Variants in CMIP observed in about 807,000 individuals in gnomAD.
The protein encoded by CMIP is c-Maf inducing protein.
A neutral mutation model predicts 97.3 loss-of-function variants in CMIP; 13 were observed. The observed-to-expected ratio is 0.13, with a 90% CI of 0.09 to 0.21. The LOEUF (loss-of-function observed/expected upper bound fraction) is 0.21. CMIP is among the 10% of genes least tolerant of loss of function. The pLI is 1.00. For missense variants in CMIP, 847 were observed against 1,024.9 expected (o/e 0.83, Z 2.37); for synonymous variants, 538 against 436.3 (o/e 1.23, Z -2.91).
At chr16:81,601,049 C>T (rs962595064) in intron 1 of CMIP, among the ~76,000 whole-genome samples, 13 of 152,296 alleles carry the variant, frequency 8.5e-5, no homozygotes, top group Non-Finnish European at 1.8e-4. Context: ...GCCGCTTCCA[C>T]GTAGGGAGAG....
At chr16:81,548,691 A>C (rs145308252) in intron 1 of CMIP, among the ~76,000 whole-genome samples, 1 of 151,228 alleles carries the variant, frequency 6.6e-6, no homozygotes, top group East Asian at 1.9e-4. Flanking sequence ...AAAAAAAAGA[A>C]AAAAAAAAGC....
At chr16:81,459,184 C>T (rs772895364) in intron 1 of CMIP, among the ~76,000 whole-genome samples, 1 of 152,148 alleles carries the variant, frequency 6.6e-6, no homozygotes, top group African/African-American at 2.4e-5. Context: ...GGTTTGGGTC[C>T]GTTTTTCCAG....
At chr16:81,500,032 A>G (rs2089567545) in intron 1 of CMIP, among the ~76,000 whole-genome samples, 1 of 152,108 alleles carries the variant, frequency 6.6e-6, no homozygotes, top group Admixed American at 6.5e-5. Flanking sequence ...CTGATGCAGA[A>G]CATACCCAGT....
chr16:81,536,408 G>A (rs962705600), intron 1 of CMIP, among the ~76,000 whole-genome samples: 9 of 152,070 alleles, frequency 5.9e-5, no homozygotes, highest in Admixed American at 5.9e-4. Flanking sequence ...TAACTCGGGG[G>A]CATTATAAAT....
intron 7 of CMIP, among the ~76,000 whole-genome samples, chr16:81,669,875 C>T (rs976965774): frequency 2.6e-5 from 4 of 152,238 alleles, no homozygotes; most frequent in Admixed American, 2.6e-4. Context: ...ATTTGTCTCA[C>T]AAGTGCCTTT....
chr16:81,603,135 A>C (rs2150935582), intron 1 of CMIP, among the ~76,000 whole-genome samples: 1 of 152,316 alleles, frequency 6.6e-6, no homozygotes, highest in East Asian at 1.9e-4. Context: ...GCTACAGTGC[A>C]GTGGCGCGAT....
intron 1 of CMIP, among the ~76,000 whole-genome samples, chr16:81,445,875 G>C (rs1454309453): frequency 1.3e-5 from 2 of 151,770 alleles, no homozygotes; most frequent in East Asian, 3.9e-4. Context: ...GCTGGGCCCT[G>C]ATGGTGGTGG....
chr16:81,480,768 A>G (rs1447223913), intron 1 of CMIP, among the ~76,000 whole-genome samples: 1 of 152,192 alleles, frequency 6.6e-6, no homozygotes, highest in Admixed American at 6.5e-5. Context: ...CACCTTGTGC[A>G]AGGGGACTGT....
rs141944080 is a variant in CMIP at position 81,504,092 on chromosome 16, G to A, written c.300+58551G>A. ...TGTAATTCCAGCACTTGGGAAGGCC[G>A]AGGGAGGCAGATCACTTGGGGTCAG... On this transcript the variant is annotated intron_variant, in intron 1 of 20. Transcript: ENST00000537098. 6.9e-3 allele frequency among the ~76,000 whole-genome samples: 1,057 copies of A among 152,302 alleles called. 8 individuals carry two copies. The highest frequency in any genetic ancestry group is 0.024 in the African/African-American group (1,017 of 41,566).
intron 3 of CMIP, among the ~76,000 whole-genome samples, chr16:81,623,474 C>T (rs1477259949): frequency 6.6e-6 from 1 of 152,192 alleles, no homozygotes; most frequent in Non-Finnish European, 1.5e-5. Context: ...TCTTTGCTCT[C>T]AGGGTGTAAG....
chr16:81,608,208 A>G (rs943247521), intron 2 of CMIP, among the ~76,000 whole-genome samples: 3 of 152,232 alleles, frequency 2.0e-5, no homozygotes, highest in African/African-American at 7.2e-5. Context: ...TGGAAATGGC[A>G]CAAACATTAT....
intron 3 of CMIP, among the ~76,000 whole-genome samples, chr16:81,640,758 G>T (rs2092295979): frequency 7.1e-6 from 1 of 140,746 alleles, no homozygotes; most frequent in Non-Finnish European, 1.5e-5. Context: ...GTGTGTGTGT[G>T]TGTGTGTGTG....
intron 1 of CMIP, among the ~76,000 whole-genome samples, chr16:81,501,270 C>T (rs1422443569): frequency 1.3e-5 from 2 of 152,228 alleles, no homozygotes; most frequent in Non-Finnish European, 2.9e-5. Flanking sequence ...AAAAGGAGAA[C>T]AACTTTGGGT....
intron 1 of CMIP, among the ~76,000 whole-genome samples, chr16:81,512,690 TTTC>T (rs1327007288): frequency 5.5e-4 from 83 of 152,218 alleles, no homozygotes; most frequent in African/African-American, 1.9e-3. Context: ...ATTTGATGAA[TTTC>T]TTTTTTATTA....
In CMIP at chr16:81,595,519, G is replaced by T. The variant is rs547643268; in HGVS notation, c.301-12048G>T. On this transcript the variant is annotated intron_variant, in intron 1 of 20. Transcript: ENST00000537098. ...TTCTCCCACCTCAGCCTCTTGAGTA[G>T]CTGGGACTACAGGTGGATGCCACCA... Among the ~76,000 whole-genome samples the T allele has an allele frequency of 2.3e-4, 35 of 151,926 alleles. No homozygotes were observed. The South Asian group carries it at 6.9e-3, about 30-fold the overall frequency.
At chr16:81,561,243 G>A (rs2090877438) in intron 1 of CMIP, among the ~76,000 whole-genome samples, 1 of 152,210 alleles carries the variant, frequency 6.6e-6, no homozygotes, top group Admixed American at 6.5e-5. Context: ...GCGTGAGTCA[G>A]TGTGCCTGGC....
chr16:81,458,893 AG>A (rs1906724090), intron 1 of CMIP, among the ~76,000 whole-genome samples: 1 of 152,214 alleles, frequency 6.6e-6, no homozygotes, highest in Non-Finnish European at 1.5e-5. Context: ...GAAAGTACTT[AG>A]TAGAGTGTGG....
intron 6 of CMIP, among the ~76,000 whole-genome samples, chr16:81,662,664 T>G (rs2092560228): frequency 6.6e-6 from 1 of 152,204 alleles, no homozygotes; most frequent in Middle Eastern, 3.2e-3. Flanking sequence ...CCCTGATTTC[T>G]CTTATCCCAG....
intron 1 of CMIP, among the ~76,000 whole-genome samples, chr16:81,502,597 G>A (rs1340914886): frequency 2.6e-5 from 4 of 152,180 alleles, no homozygotes; most frequent in East Asian, 3.9e-4. Flanking sequence ...AGGATGGGGA[G>A]GACTCAGACA....
Sources: allele counts gnomAD v4.1 joint callset (sites outside exome capture counted in the v4.1 genomes callset), GRCh38; gene constraint gnomAD v4.1.1; transcripts MANE v1.5; gene names NCBI Gene and HGNC (gene_info 2026-07-23, HGNC 2026-07-21).